The following MYO3B variants were observed in gnomAD, a reference collection of about 807,000 sequenced individuals.
MYO3B encodes myosin-IIIb.
In MYO3B, 156 loss-of-function variants were observed where a neutral mutation model predicts 174.6. The ratio of observed to expected loss-of-function variants is 0.89; its 90% CI spans 0.78 to 1.02. The LOEUF (loss-of-function observed/expected upper bound fraction) is 1.02, where lower values mean the gene tolerates loss of function less well. Ranked by LOEUF, MYO3B falls within the 50% of genes least tolerant of loss-of-function variation. The pLI is 0.00. For synonymous variants in MYO3B, 563 were observed against 569.1 expected, an observed-to-expected ratio of 0.99 and a Z score of 0.15; for missense variants, 1,632 against 1,639.4, an observed-to-expected ratio of 1.00 and a Z score of 0.08.
chr2:170,305,230 T>A (rs184612543), intron 7 of MYO3B, among the ~76,000 whole-genome samples: 3 of 152,270 alleles, frequency 2.0e-5, no homozygotes, highest in East Asian at 3.9e-4. Flanking sequence ...AGTTCATCCT[T>A]TCCTAGTGAT....
rs779161866 is a variant in MYO3B at position 170,466,720 on chromosome 2, G to A, written c.3014+9G>A. The A allele has an allele frequency of 3.5e-5, 57 of 1,612,786 alleles. No individual in the cohort carries two copies. The highest frequency in any genetic ancestry group is 4.6e-5 in the Non-Finnish European group (54 of 1,179,088). On this transcript the variant is annotated intron_variant, in intron 25 of 34. Transcript: ENST00000408978. Reference sequence around the variant, plus strand: ...GAAGAATTTGTGAAAAGGTCAGACCGTCATCTACGGGAATGCATTCTTATA... The same window carrying A: ...GAAGAATTTGTGAAAAGGTCAGACCATCATCTACGGGAATGCATTCTTATA...
At chr2:170,349,371 G>C (rs1042352902) in intron 8 of MYO3B, 24 of 152,298 alleles carry the variant, frequency 1.6e-4, no homozygotes, top group African/African-American at 5.5e-4. Flanking sequence ...AATTCCTTGA[G>C]AGCAGAGAAT....
chr2:170,229,267 T>C (rs1456144882), intron 6 of MYO3B, among the ~76,000 whole-genome samples: 2 of 152,230 alleles, frequency 1.3e-5, no homozygotes, highest in Non-Finnish European at 2.9e-5. Context: ...CCCATCTTAT[T>C]TGCCAGTCTA....
chr2:170,326,510 G>A (rs2093868994), intron 7 of MYO3B, among the ~76,000 whole-genome samples: 3 of 151,972 alleles, frequency 2.0e-5, no homozygotes, highest in African/African-American at 7.2e-5. Flanking sequence ...TATTGAAGGA[G>A]GAAATTAAAG....
chr2:170,314,536 G>C (rs774530267), intron 7 of MYO3B, among the ~76,000 whole-genome samples: 1 of 152,116 alleles, frequency 6.6e-6, no homozygotes, highest in East Asian at 1.9e-4. Context: ...TTTAATTGTT[G>C]TGGACAGAAA....
intron 22 of MYO3B, among the ~76,000 whole-genome samples, chr2:170,442,459 T>C (rs187715668): frequency 2.0e-5 from 3 of 152,054 alleles, no homozygotes; most frequent in East Asian, 3.9e-4. Flanking sequence ...CATTTATTAA[T>C]TGATTGTCCC....
intron 8 of MYO3B, among the ~76,000 whole-genome samples, chr2:170,362,455 C>A (rs1403186032): frequency 6.6e-6 from 1 of 152,166 alleles, no homozygotes; most frequent in Non-Finnish European, 1.5e-5. Flanking sequence ...TGGCAGCTGC[C>A]CTGTCGTCCA....
In MYO3B at chr2:170,442,751, T is replaced by G. The variant is rs147826652; in HGVS notation, c.2651-1216T>G. 4.3e-3 allele frequency among the ~76,000 whole-genome samples: 652 copies of G among 152,234 alleles called. 4 individuals carry two copies. The highest frequency in any genetic ancestry group is 0.015 in the African/African-American group (637 of 41,548). ...CCCACCTATGAGTGAGAACATGCAGTATTTGGTTTTCTGTCCTTGCGATAG... is the reference window on the plus strand; with the variant it reads ...CCCACCTATGAGTGAGAACATGCAGGATTTGGTTTTCTGTCCTTGCGATAG... On this transcript the variant is annotated intron_variant, in intron 22 of 34. Transcript: ENST00000408978.
chr2:170,532,987 C>A (rs1443714766), intron 30 of MYO3B, among the ~76,000 whole-genome samples: 2 of 152,130 alleles, frequency 1.3e-5, no homozygotes, highest in Non-Finnish European at 2.9e-5. Flanking sequence ...ATTCTTGCAT[C>A]TTTTCTATTA....
At chr2:170,405,687 G>C (rs2105808928) in intron 21 of MYO3B, 54 bp downstream of exon 21, 1 of 1,376,178 alleles carries the variant, frequency 7.3e-7, no homozygotes, top group African/African-American at 1.4e-5. Flanking sequence ...GTAAGTGTCT[G>C]TATTACCCTG....
chr2:170,354,632 C>T (rs2094105738), intron 8 of MYO3B, among the ~76,000 whole-genome samples: 1 of 152,190 alleles, frequency 6.6e-6, no homozygotes, highest in South Asian at 2.1e-4. Context: ...CCTTCTTTCC[C>T]AACCTCTTGG....
Position 170,217,367 on chromosome 2 carries a change from T to C in MYO3B, c.575T>C (p.Val192Ala). The C allele has an allele frequency of 9.3e-6, 15 of 1,614,156 alleles. No individual in the cohort carries two copies. The highest frequency in any genetic ancestry group is 1.3e-5 in the Non-Finnish European group (15 of 1,179,946). Residue 192 changes from valine (V) to alanine (A), a missense_variant, in exon 6 of 35, where the codon GTT becomes GCT. Transcript: ENST00000408978. ...ACACGTCTGCGGAGAAACACATCTG[T>C]TGGCACCCCGTTCTGGATGGCCCCT... ...TSTRLRRNTS[V>A]GTPFWMAPEV...
intron 25 of MYO3B, among the ~76,000 whole-genome samples, chr2:170,495,303 G>A (rs551324044): frequency 5.9e-5 from 9 of 152,186 alleles, no homozygotes; most frequent in African/African-American, 1.7e-4. Flanking sequence ...TTATCACCAT[G>A]GTGCCTGCTA....
chr2:170,427,720 A>G (rs763200254), intron 22 of MYO3B, among the ~76,000 whole-genome samples: 6 of 152,194 alleles, frequency 3.9e-5, no homozygotes, highest in African/African-American at 4.8e-5. Flanking sequence ...ATGGATGTTT[A>G]TACTAGGTTC....
intron 23 of MYO3B, among the ~76,000 whole-genome samples, chr2:170,459,713 C>T (rs989704772): frequency 7.9e-5 from 12 of 152,114 alleles, no homozygotes; most frequent in South Asian, 6.2e-4. Context: ...AGGCTCGGGC[C>T]GCATGGGAAC....
chr2:170,329,298 A>G (rs78425554), intron 7 of MYO3B, among the ~76,000 whole-genome samples: 3,113 of 152,034 alleles, frequency 0.02, 34 homozygotes, highest in African/African-American at 0.02. Context: ...CTACAAATTC[A>G]TGTAATAAAA....
chr2:170,469,575 T>A (rs909475147), intron 25 of MYO3B, among the ~76,000 whole-genome samples: 1 of 152,182 alleles, frequency 6.6e-6, no homozygotes, highest in Non-Finnish European at 1.5e-5. Context: ...CATCTCATTC[T>A]CCTTTCTGTT....
At chr2:170,296,299 T>G (rs544731973) in intron 7 of MYO3B, among the ~76,000 whole-genome samples, 1 of 152,320 alleles carries the variant, frequency 6.6e-6, no homozygotes, top group Non-Finnish European at 1.5e-5. Flanking sequence ...TTATCCAATG[T>G]GAAATAAATT....
At chr2:170,540,193 A>G (rs1689992141) in intron 30 of MYO3B, among the ~76,000 whole-genome samples, 1 of 152,096 alleles carries the variant, frequency 6.6e-6, no homozygotes. Context: ...TGGTGGTAGC[A>G]CATGCCTGTA....
Sources: gnomAD v4.1 joint callset for allele counts (sites outside exome capture counted in the v4.1 genomes callset) on GRCh38, gnomAD v4.1.1 for gene constraint, MANE v1.5 for transcripts, NCBI Gene and HGNC (gene_info 2026-07-23, HGNC 2026-07-21) for gene names.